The following TMEM135 variants were observed in gnomAD, a reference collection of about 807,000 sequenced individuals.
TMEM135 encodes the protein transmembrane protein 135.
TMEM135 carries 30 observed loss-of-function variants against 60.3 expected under a neutral mutation model. The ratio of observed to expected loss-of-function variants is 0.50; its 90% CI spans 0.37 to 0.68. TMEM135 has a LOEUF of 0.68. TMEM135 is among the 30% of genes least tolerant of loss of function. TMEM135 has a pLI of 0.00. For missense variants in TMEM135, 468 were observed against 548.8 expected (o/e 0.85, Z 1.47); for synonymous variants, 190 against 186.7 (o/e 1.02, Z -0.14).
chr11:87,221,008 C>T (rs1210951757), intron 5 of TMEM135, among the ~76,000 whole-genome samples: 1 of 151,872 alleles, frequency 6.6e-6, no homozygotes, highest in Non-Finnish European at 1.5e-5. Flanking sequence ...GCTATTGCTA[C>T]TAAAAAAAAG....
At chr11:87,247,650 C>A (rs1394788627) in intron 6 of TMEM135, among the ~76,000 whole-genome samples, 1 of 152,168 alleles carries the variant, frequency 6.6e-6, no homozygotes, top group South Asian at 2.1e-4. Context: ...GGCGTAGGAC[C>A]CTCCGAGCCA....
chr11:87,170,103 C>T (rs555288920), intron 5 of TMEM135, among the ~76,000 whole-genome samples: 8 of 151,974 alleles, frequency 5.3e-5, no homozygotes, highest in Non-Finnish European at 1.2e-4. Context: ...TTATGCTTCA[C>T]AAAGTTCTCA....
At chr11:87,299,741 A>G (rs1942411383) in intron 7 of TMEM135, among the ~76,000 whole-genome samples, 1 of 152,230 alleles carries the variant, frequency 6.6e-6, no homozygotes, top group Non-Finnish European at 1.5e-5. Flanking sequence ...GTTGCAAAAG[A>G]GAAGTGTAGG....
At chr11:87,093,709 T>G (rs1042760188) in intron 4 of TMEM135, among the ~76,000 whole-genome samples, 6 of 151,880 alleles carry the variant, frequency 4.0e-5, no homozygotes, top group Admixed American at 2.6e-4. Context: ...TTTTTCTGTA[T>G]TTTTAGTAGA....
intron 5 of TMEM135, among the ~76,000 whole-genome samples, chr11:87,220,284 G>A (rs1472636196): frequency 6.6e-6 from 1 of 152,160 alleles, no homozygotes; most frequent in Non-Finnish European, 1.5e-5. Context: ...GAATTTCCAT[G>A]TGAAGATTTT....
chr11:87,059,011 C>T (rs1949920525), intron 1 of TMEM135, among the ~76,000 whole-genome samples: 1 of 151,832 alleles, frequency 6.6e-6, no homozygotes, highest in African/African-American at 2.4e-5. Flanking sequence ...AATCTTGGCT[C>T]ACTGCAACCT....
intron 6 of TMEM135, among the ~76,000 whole-genome samples, chr11:87,261,779 T>A (rs1302494755): frequency 1.3e-5 from 2 of 152,018 alleles, no homozygotes; most frequent in Admixed American, 1.3e-4. Context: ...GCACCACCAC[T>A]CCTGTCTAAT....
chr11:87,211,053 A>G (rs913928191), intron 5 of TMEM135, among the ~76,000 whole-genome samples: 6 of 152,214 alleles, frequency 3.9e-5, no homozygotes, highest in African/African-American at 1.4e-4. Context: ...CTGAAATGGC[A>G]ACAGCTGAAG....
chr11:87,309,652 T>C lies in TMEM135; in HGVS notation c.916T>C (p.Ser306Pro). ...CTTCCAGCTTGGAGCTTTTCTTGGCTCTTTTGTTAGTATATACAAGGTAAG... is the reference window on the plus strand; with the variant it reads ...CTTCCAGCTTGGAGCTTTTCTTGGCCCTTTTGTTAGTATATACAAGGTAAG... ...ENFQLGAFLGSFVSIYKGTSC... is the reference protein window; with the variant it reads ...ENFQLGAFLGPFVSIYKGTSC... The change falls in exon 10 of 15, where the codon TCT becomes CCT. Residue 306 changes from serine to proline, a missense_variant. Physicochemically the swap from Ser to Pro is moderately conservative, Grantham distance 74 (BLOSUM62 -1). Coordinates refer to ENST00000305494, the MANE Select transcript of TMEM135 (RefSeq NM_022918.4). 1 of 1,613,596 alleles carries C rather than the reference T, an allele frequency of 6.2e-7. No homozygotes were observed. Among genetic ancestry groups the C allele is most frequent in the Non-Finnish European group, 8.5e-7 (1 of 1,179,672 alleles).
At chr11:87,084,667 A>C (rs1857059377) in intron 3 of TMEM135, among the ~76,000 whole-genome samples, 1 of 152,314 alleles carries the variant, frequency 6.6e-6, no homozygotes, top group African/African-American at 2.4e-5. Flanking sequence ...CAACTTTGAG[A>C]GATTGAATAC....
chr11:87,289,025 AT>A (rs1942216602), intron 6 of TMEM135, among the ~76,000 whole-genome samples: 1 of 152,172 alleles, frequency 6.6e-6, no homozygotes, highest in African/African-American at 2.4e-5. Context: ...AGATGCTTAT[AT>A]TTTTCTTATG....
intron 6 of TMEM135, among the ~76,000 whole-genome samples, chr11:87,255,614 A>T (rs768374879): frequency 6.6e-6 from 1 of 151,726 alleles, no homozygotes; most frequent in Non-Finnish European, 1.5e-5. Context: ...TAGACACTGT[A>T]CTCCAGCCTG....
chr11:87,044,603 T>C, intron 1 of TMEM135, among the ~76,000 whole-genome samples: 1 of 152,018 alleles, frequency 6.6e-6, no homozygotes, highest in South Asian at 2.1e-4. Context: ...AATAACTAAA[T>C]GATTTTTACA....
At chr11:87,074,164 C>T (rs984793437) in intron 3 of TMEM135, among the ~76,000 whole-genome samples, 6 of 152,122 alleles carry the variant, frequency 3.9e-5, no homozygotes, top group Non-Finnish European at 7.4e-5. Context: ...TGGGGTTTCG[C>T]CATGTTGGCC....
At position 87,038,128 on chromosome 11, in the gene TMEM135, T is replaced by G; in HGVS notation, c.83T>G (p.Leu28Arg). 6.2e-7 allele frequency: 1 copy of G among 1,614,174 alleles called. No individual in the cohort carries two copies. The highest frequency in any genetic ancestry group is 8.5e-7 in the Non-Finnish European group (1 of 1,180,040). Residue 28 changes from leucine to arginine, a missense_variant, in exon 1 of 15, where the codon CTG becomes CGG. Leu to Arg is a moderately radical substitution (Grantham distance 102). Coordinates refer to ENST00000305494, the MANE Select transcript of TMEM135 (RefSeq NM_022918.4). ...CACCCTTCCTGCCGGGTCTCCTTCC[T>G]GCAGATCACCGGGGGCGCCCTGGAG... ...TWHPSCRVSF[L>R]QITGGALEES...
intron 6 of TMEM135, among the ~76,000 whole-genome samples, chr11:87,289,606 G>A (rs1474095041): frequency 6.6e-6 from 1 of 151,808 alleles, no homozygotes; most frequent in Non-Finnish European, 1.5e-5. Context: ...ACAGATGCCC[G>A]CCACCATGCC....
intron 6 of TMEM135, among the ~76,000 whole-genome samples, chr11:87,248,066 A>T (rs3016760): frequency 0.66 from 99,628 of 151,166 alleles, 33,394 homozygotes; most frequent in Non-Finnish European, 0.71. Flanking sequence ...TTCCATCGTG[A>T]GTGTGTACTA....
At chr11:87,239,159 A>G (rs188272429) in intron 6 of TMEM135, among the ~76,000 whole-genome samples, 150 of 152,166 alleles carry the variant, frequency 9.9e-4, no homozygotes, top group African/African-American at 3.3e-3. Context: ...TTCAGTCACA[A>G]GTCTAGGTTA....
chr11:87,287,266 C>A (rs1337087657), intron 6 of TMEM135, among the ~76,000 whole-genome samples: 1 of 152,168 alleles, frequency 6.6e-6, no homozygotes, highest in East Asian at 1.9e-4. Context: ...ATATTAGATG[C>A]TCAATTAATG....
Sources: gnomAD v4.1 joint callset for allele counts (sites outside exome capture counted in the v4.1 genomes callset) on GRCh38, gnomAD v4.1.1 for gene constraint, MANE v1.5 for transcripts, NCBI Gene and HGNC (gene_info 2026-07-23, HGNC 2026-07-21) for gene names.